Variants in ZNF335 observed in about 807,000 individuals in gnomAD.
The protein encoded by ZNF335 is NRC-interacting factor 1.
In ZNF335, 84 loss-of-function variants were observed where a neutral mutation model predicts 145.6. The ratio of observed to expected loss-of-function variants is 0.58; its 90% CI spans 0.48 to 0.69. The LOEUF (loss-of-function observed/expected upper bound fraction) is 0.69, where lower values mean the gene tolerates loss of function less well. Among genes scored for constraint, ZNF335 ranks in the 30% least tolerant of loss-of-function variants. The pLI, the probability that ZNF335 is intolerant of heterozygous loss-of-function variation, is 0.00. For missense variants in ZNF335, 1,865 were observed against 1,809.7 expected (o/e 1.03, Z -0.55); for synonymous variants, 761 against 717.0 (o/e 1.06, Z -0.98).
intron 20 of ZNF335, 143 bp from the exon 21 acceptor site, chr20:45,950,738 G>A (rs2145355830): frequency 1.8e-6 from 2 of 1,096,292 alleles, no homozygotes; most frequent in East Asian, 4.8e-5. Context: ...AAGAAGCTGG[G>A]TAGAAAGGCC....
chr20:45,950,389 G>C lies in ZNF335; in HGVS notation c.3333-16C>G, dbSNP rs770866679. 9.3e-6 allele frequency: 15 copies of C among 1,606,700 alleles called. No homozygotes were observed. In the East Asian group the frequency reaches 1.1e-4, roughly 12 times the overall value. On this transcript the variant is annotated splice_polypyrimidine_tract_variant and intron_variant, in intron 21 of 27. Transcript: ENST00000322927. The stretch of plus-strand genomic sequence containing the variant: ...ACGGTTGAAACTGAGGGGGATGAAA[G>C]GTGGCTCAGGTTAGCTCCACCATAC...
Position 45,949,875 on chromosome 20 carries a change from C to A in ZNF335, c.3594G>T (p.Glu1198Asp). 1 of 1,614,152 alleles carries A rather than the reference C, an allele frequency of 6.2e-7. No individual in the cohort carries two copies. The change falls in exon 24 of 28, where the codon GAG (glutamate) becomes GAT (aspartate). Residue 1198 changes from glutamate to aspartate, a missense_variant and splice_region_variant. Coordinates refer to ENST00000322927, the MANE Select transcript of ZNF335 (RefSeq NM_022095.4). ...VAQEQTVTNQ[E>D]EAAYIQEITT... is the part of the protein sequence containing the mutation. Reference sequence around the variant, plus strand: ...TGATCTCTTGGATGTAGGCGGCTTCCTCCTGCCAGGACCAAGACAGCTCTA... The same window carrying A: ...TGATCTCTTGGATGTAGGCGGCTTCATCCTGCCAGGACCAAGACAGCTCTA...
Position 45,963,537 on chromosome 20 carries a change from C to G in ZNF335, c.1469G>C (p.Gly490Ala). ...LRFHVNSHEA[G>A]DPQLFKCLQC... ...CAGGCACTTGAAGAGCTGGGGATCG[C>G]CAGCCTCATGGGAGTTGACGTGGAA... Residue 490 changes from glycine to alanine, a missense_variant, in exon 9 of 28, where the codon GGC becomes GCC. By Grantham distance (60) the Gly-to-Ala change is moderately conservative (BLOSUM62 0). Coordinates refer to ENST00000322927, the MANE Select transcript of ZNF335 (RefSeq NM_022095.4). 6.2e-7 allele frequency: 1 copy of G among 1,614,210 alleles called. No homozygotes were observed. Among genetic ancestry groups the G allele is most frequent in the Non-Finnish European group, 8.5e-7 (1 of 1,180,034 alleles).
At chr20:45,968,542 G>C in intron 3 of ZNF335, 180 bp from the exon 4 acceptor site, 3 of 556,248 alleles carry the variant, frequency 5.4e-6, no homozygotes, top group Non-Finnish European at 9.7e-6. Flanking sequence ...TGGCAGGGCT[G>C]TCTGGAGGTC....
intron 17 of ZNF335, 138 bp downstream of exon 17, chr20:45,957,448 G>C (rs1233647969): frequency 2.6e-6 from 2 of 775,050 alleles, no homozygotes; most frequent in Non-Finnish European, 4.2e-6. Context: ...GACTTCAGCA[G>C]ATCTGTCTCC....
rs772052575 is a variant in ZNF335, at chr20:45,954,407, C to T, written c.2443-459G>A. Among the ~76,000 whole-genome samples the T allele has an allele frequency of 3.9e-5, 6 of 152,260 alleles. No homozygotes were observed. The South Asian group carries it at 1.2e-3, about 32-fold the overall frequency. The stretch of plus-strand genomic sequence containing the variant: ...AAAAAGCTCCAGTGTACATCTTATT[C>T]CAGTTGGCTTCAAATGGTTTAAAGA... On this transcript the variant is annotated intron_variant, in intron 17 of 27. Transcript: ENST00000322927.
chr20:45,957,569 G>A lies in ZNF335; in HGVS notation c.2442+17C>T, dbSNP rs888694775. ...CTGCGGTAGCTGGGAAGGGGAGCAGGTTCCCAGGCAGCTCACCTGCAGGGC... is the reference window on the plus strand; with the variant it reads ...CTGCGGTAGCTGGGAAGGGGAGCAGATTCCCAGGCAGCTCACCTGCAGGGC... On this transcript the variant is annotated intron_variant, in intron 17 of 27. Coordinates refer to ENST00000322927, the MANE Select transcript of ZNF335 (RefSeq NM_022095.4). 14 of 1,612,500 alleles carry A rather than the reference G, an allele frequency of 8.7e-6. No homozygotes were observed. The highest frequency in any genetic ancestry group is 1.1e-5 in the Non-Finnish European group (13 of 1,178,686).
Position 45,959,372 on chromosome 20 carries a change from G to A in ZNF335, c.2082C>T (p.Arg694=). Residue 694 remains arginine (R), a synonymous_variant, in exon 15 of 28, where the codon CGC becomes CGT. Coordinates refer to ENST00000322927, the MANE Select transcript of ZNF335 (RefSeq NM_022095.4). ...HFSTRHKKNL[R]LHVRCRHASS... ...TTGCGTGTCGGCACCGTACGTGCAG[G>A]CGCAGGTTCTTCTTGTGCCGTGTGC... The A allele has an allele frequency of 6.3e-7, 1 of 1,577,970 alleles. No individual in the cohort carries two copies. The highest frequency in any genetic ancestry group is 8.6e-7 in the Non-Finnish European group (1 of 1,157,638).
intron 17 of ZNF335, among the ~76,000 whole-genome samples, chr20:45,956,141 A>G (rs1366664318): frequency 6.6e-6 from 1 of 152,098 alleles, no homozygotes; most frequent in African/African-American, 2.4e-5. Context: ...ATTCTTCTGA[A>G]CCCATTTACT....
chr20:45,961,934 C>T, intron 10 of ZNF335, 136 bp downstream of exon 10: 1 of 688,450 alleles, frequency 1.5e-6, no homozygotes, highest in South Asian at 1.8e-5. Context: ...CCTTTCTGCT[C>T]ATGCCTGTAG....
At chr20:45,964,721 G>A (rs969992747) in intron 7 of ZNF335, among the ~76,000 whole-genome samples, 2 of 152,126 alleles carry the variant, frequency 1.3e-5, no homozygotes, top group South Asian at 2.1e-4. Context: ...TCGGTAAAAA[G>A]GCCTTTTTGA....
Position 45,959,197 on chromosome 20 carries a change from T to C in ZNF335, c.2253+4A>G. On this transcript the variant is annotated splice_donor_region_variant and intron_variant, in intron 15 of 27. Coordinates refer to ENST00000322927, the MANE Select transcript of ZNF335 (RefSeq NM_022095.4). ...TGTCATCCTGACCCATGCCCCGACC[T>C]TACCTCAGGAGGTCCTGGGGAACTG... 1 of 1,364,628 alleles carries C rather than the reference T, an allele frequency of 7.3e-7. No individual in the cohort carries two copies. The highest frequency in any genetic ancestry group is 1.5e-5 in the African/African-American group (1 of 67,116). 84.5% of individuals were successfully genotyped at this position (1,364,628 alleles called of 1,614,324 possible). A position where few individuals can be genotyped will look rare whatever the true frequency, so the allele number is the denominator to read the frequency against.
At position 45,968,367 on chromosome 20, in the gene ZNF335, G is replaced by T. The variant is rs769439974; in HGVS notation, c.443-5C>A. Reference sequence around the variant, plus strand: ...CACTGGTCACAGTGATGCAGTCTGGGCAGAGATGGGGAAGGGTCACACCTC... The same window carrying T: ...CACTGGTCACAGTGATGCAGTCTGGTCAGAGATGGGGAAGGGTCACACCTC... On this transcript the variant is annotated splice_polypyrimidine_tract_variant and splice_region_variant and intron_variant, in intron 3 of 27. Transcript: ENST00000322927. The T allele has an allele frequency of 1.9e-6, 3 of 1,608,674 alleles. No individual in the cohort carries two copies. The highest frequency in any genetic ancestry group is 2.6e-6 in the Non-Finnish European group (3 of 1,175,928).
chr20:45,950,241 G>A lies in ZNF335; in HGVS notation c.3465C>T (p.Asp1155=), dbSNP rs142739306. The change falls in exon 22 of 28, where the codon GAC becomes GAT. Residue 1155 remains aspartate (D), a synonymous_variant. Coordinates refer to ENST00000322927, the MANE Select transcript of ZNF335 (RefSeq NM_022095.4). ...CACTGTGCAGGGTGGCCAGTGTTTC[G>A]TCATCACTGTTCAGGATGATGGTCT... ...PTQTIILNSD[D]ETLATLHTAL... 5.5e-4 allele frequency: 844 copies of A among 1,546,796 alleles called. 3 individuals carry two copies. Among genetic ancestry groups the A allele is most frequent in the Middle Eastern group, 1.8e-4 (1 of 5,644 alleles).
In ZNF335 at chr20:45,960,873, C is replaced by T; in HGVS notation, c.1656G>A (p.Arg552=). Residue 552 remains arginine (R), a synonymous_variant, in exon 11 of 28, where the codon AGG becomes AGA. Transcript: ENST00000322927. ...AAVHSRDRKK[R]PDPTPKLSSF... is the part of the protein sequence containing the mutation. Reference sequence around the variant, plus strand: ...AGCACGCCAGACTCACCGGATCTGGCCTCTTCTTCCTGTGGGGAAAAGGCC... The same window carrying T: ...AGCACGCCAGACTCACCGGATCTGGTCTCTTCTTCCTGTGGGGAAAAGGCC... The T allele has an allele frequency of 6.2e-7, 1 of 1,613,794 alleles. No homozygotes were observed. The highest frequency in any genetic ancestry group is 2.2e-5 in the East Asian group (1 of 44,862).
intron 7 of ZNF335, 75 bp from the exon 8 acceptor site, chr20:45,964,065 A>C: frequency 2.7e-6 from 4 of 1,489,756 alleles, no homozygotes; most frequent in East Asian, 2.3e-5. Flanking sequence ...GCCAGAGGCC[A>C]GCCAAAATAT....
At position 45,969,603 on chromosome 20, in the gene ZNF335, G is replaced by A. The variant is rs1397689609; in HGVS notation, c.290C>T (p.Ala97Val). The part of the protein sequence containing the change: ...DSSSVSHGPV[A>V]GVTGGPPALV... ...TGCTGGGGGACCGCCTGTCACCCCT[G>A]CCACTGGCCCATGAGACACAGACGA... The change falls in exon 3 of 28, where the codon GCA becomes GTA. Residue 97 changes from alanine (A) to valine (V), a missense_variant. Ala to Val is a moderately conservative substitution (Grantham distance 64). Coordinates refer to ENST00000322927, the MANE Select transcript of ZNF335 (RefSeq NM_022095.4). The A allele has an allele frequency of 1.2e-6, 2 of 1,608,326 alleles. No homozygotes were observed. Among genetic ancestry groups the A allele is most frequent in the East Asian group, 2.2e-5 (1 of 44,714 alleles).
intron 6 of ZNF335, among the ~76,000 whole-genome samples, 180 bp from the exon 7 acceptor site, chr20:45,965,954 C>T (rs1322112969): frequency 6.6e-6 from 1 of 152,144 alleles, no homozygotes; most frequent in Non-Finnish European, 1.5e-5. Flanking sequence ...CCCTGAGCCC[C>T]TGAAGTTCTT....
intron 22 of ZNF335, 47 bp from the exon 23 acceptor site, chr20:45,950,116 C>G (rs979118151): frequency 6.2e-7 from 1 of 1,609,338 alleles, no homozygotes. Context: ...GGAAAACCTG[C>G]AATGCCCCAG....
Sources: gnomAD v4.1 joint callset for allele counts (sites outside exome capture counted in the v4.1 genomes callset) on GRCh38, gnomAD v4.1.1 for gene constraint, MANE v1.5 for transcripts, NCBI Gene and HGNC (gene_info 2026-07-23, HGNC 2026-07-21) for gene names.